PCSK5: variants seen among roughly 807,000 people sequenced by gnomAD.
PCSK5 encodes proprotein convertase subtilisin/kexin type 5, also known as prohormone convertase 5.
PCSK5 carries 129 observed loss-of-function variants against 233.2 expected under a neutral mutation model. The ratio of observed to expected loss-of-function variants is 0.55; its 90% CI spans 0.48 to 0.64. The LOEUF (loss-of-function observed/expected upper bound fraction) is 0.64, where lower values mean the gene tolerates loss of function less well. Ranked by LOEUF, PCSK5 falls within the 30% of genes least tolerant of loss-of-function variation. The pLI, the probability that PCSK5 is intolerant of heterozygous loss-of-function variation, is 0.00. For synonymous variants in PCSK5, 825 were observed against 879.2 expected (o/e 0.94, Z 1.09); for missense variants, 2,076 against 2,430.1 (o/e 0.85, Z 3.06).
At chr9:75,921,487 G>C (rs1371924377) in intron 1 of PCSK5, among the ~76,000 whole-genome samples, 1 of 152,126 alleles carries the variant, frequency 6.6e-6, no homozygotes, top group Non-Finnish European at 1.5e-5. Flanking sequence ...TTCCCGAGAT[G>C]ATGGTGCAGA....
intron 3 of PCSK5, among the ~76,000 whole-genome samples, chr9:76,002,539 A>G (rs928583485): frequency 1.3e-5 from 2 of 152,234 alleles, no homozygotes; most frequent in African/African-American, 4.8e-5. Flanking sequence ...GGGAATTCTC[A>G]TAGACTTTGT....
intron 30 of PCSK5, among the ~76,000 whole-genome samples, chr9:76,318,924 G>C (rs1564176677): frequency 6.6e-6 from 1 of 152,186 alleles, no homozygotes; most frequent in Non-Finnish European, 1.5e-5. Flanking sequence ...ATAGGGAAAA[G>C]AGAAGATGAC....
At chr9:76,036,973 T>C (rs1446628586) in intron 5 of PCSK5, among the ~76,000 whole-genome samples, 1 of 152,232 alleles carries the variant, frequency 6.6e-6, no homozygotes, top group Non-Finnish European at 1.5e-5. Flanking sequence ...GGTCCCTGTT[T>C]CTCCAGAGAG....
intron 24 of PCSK5, chr9:76,287,910 A>G (rs1177092212): frequency 5.5e-6 from 1 of 183,218 alleles, no homozygotes; most frequent in African/African-American, 2.4e-5. Flanking sequence ...GCCCCAGGGC[A>G]CCAGCAAAAC....
chr9:75,950,695 A>G (rs569532138), intron 2 of PCSK5, among the ~76,000 whole-genome samples: 55 of 152,224 alleles, frequency 3.6e-4, no homozygotes, highest in Non-Finnish European at 5.7e-4. Context: ...GGAAGCACTA[A>G]ACATGGAAAG....
chr9:76,253,562 A>T (rs73462412), intron 24 of PCSK5, among the ~76,000 whole-genome samples: 132 of 152,240 alleles, frequency 8.7e-4, no homozygotes, highest in African/African-American at 3.0e-3. Context: ...GGCTTTCTTC[A>T]TTGATTCATT....
At chr9:75,983,304 C>T (rs143056885) in intron 2 of PCSK5, among the ~76,000 whole-genome samples, 35 of 151,998 alleles carry the variant, frequency 2.3e-4, no homozygotes, top group African/African-American at 8.2e-4. Flanking sequence ...TTTTTTTCCT[C>T]CTATTGCTTG....
chr9:76,187,245 C>G (rs943521312), intron 17 of PCSK5, among the ~76,000 whole-genome samples: 2 of 152,076 alleles, frequency 1.3e-5, no homozygotes, highest in African/African-American at 4.8e-5. Context: ...CAATGGAAAC[C>G]ATTTAACCCT....
chr9:75,925,388 T>C (rs577579724), intron 1 of PCSK5, among the ~76,000 whole-genome samples: 2 of 152,368 alleles, frequency 1.3e-5, no homozygotes, highest in East Asian at 3.9e-4. Flanking sequence ...CAGGGGCTAT[T>C]CATTCATTGC....
At position 76,283,412 on chromosome 9, in the gene PCSK5, C is replaced by T. The variant is rs7861617; in HGVS notation, c.3143-8821C>T. On this transcript the variant is annotated intron_variant, in intron 24 of 37. Transcript: ENST00000674117. ...ATCAATATCGAGGCAAGACCCTCCACCAGCAAAAGGATCTGAATGCTCAGA... is the reference window on the plus strand; with the variant it reads ...ATCAATATCGAGGCAAGACCCTCCATCAGCAAAAGGATCTGAATGCTCAGA... Among the ~76,000 whole-genome samples the T allele has an allele frequency of 7.9e-3, 1,197 of 152,278 alleles. 14 individuals are homozygous for T. Among genetic ancestry groups the T allele is most frequent in the African/African-American group, 0.027 (1,134 of 41,540 alleles).
intron 5 of PCSK5, among the ~76,000 whole-genome samples, chr9:76,045,207 T>C (rs1829322964): frequency 6.6e-6 from 1 of 152,234 alleles, no homozygotes; most frequent in Non-Finnish European, 1.5e-5. Flanking sequence ...TTATCGTGAT[T>C]ATGAAGAAGA....
At chr9:76,119,538 C>G (rs552085844) in intron 9 of PCSK5, among the ~76,000 whole-genome samples, 1 of 152,118 alleles carries the variant, frequency 6.6e-6, no homozygotes, top group South Asian at 2.1e-4. Flanking sequence ...AATTCATGGA[C>G]CCCAGATTAA....
intron 36 of PCSK5, among the ~76,000 whole-genome samples, chr9:76,351,540 A>AGAAAG (rs1564197018): frequency 2.1e-5 from 2 of 96,796 alleles, no homozygotes; most frequent in African/African-American, 6.6e-5. Context: ...AAGGAAGGAA[A>AGAAAG]GAAAGAGAAA....
intron 35 of PCSK5, among the ~76,000 whole-genome samples, chr9:76,347,763 GAAAA>G (rs5898474): frequency 3.3e-4 from 42 of 126,170 alleles, no homozygotes; most frequent in Non-Finnish European, 5.4e-4. Flanking sequence ...AAAATAAAAA[GAAAA>G]AAAAAAAAAA....
At chr9:76,262,280 A>C (rs1313704461) in intron 24 of PCSK5, among the ~76,000 whole-genome samples, 1 of 152,166 alleles carries the variant, frequency 6.6e-6, no homozygotes, top group Admixed American at 6.5e-5. Context: ...AAACTACTTT[A>C]AAGTTCATAT....
intron 16 of PCSK5, among the ~76,000 whole-genome samples, chr9:76,184,246 A>G (rs943994569): frequency 6.6e-6 from 1 of 152,196 alleles, no homozygotes; most frequent in African/African-American, 2.4e-5. Flanking sequence ...AGCTATGAGC[A>G]TGGGGGTCTA....
intron 20 of PCSK5, among the ~76,000 whole-genome samples, chr9:76,220,198 GC>G (rs1226172047): frequency 6.6e-6 from 1 of 152,158 alleles, no homozygotes; most frequent in Non-Finnish European, 1.5e-5. Flanking sequence ...TCAATGAGAA[GC>G]TTTGTAAATT....
At chr9:76,194,797 T>C (rs1191911808) in intron 20 of PCSK5, 1 of 462,932 alleles carries the variant, frequency 2.2e-6, no homozygotes, top group Non-Finnish European at 4.5e-6. Context: ...CAAAGCTTCA[T>C]TGGTGACCTC....
intron 2 of PCSK5, among the ~76,000 whole-genome samples, chr9:75,964,201 A>G (rs1014270416): frequency 2.0e-5 from 3 of 152,236 alleles, no homozygotes; most frequent in Admixed American, 6.5e-5. Flanking sequence ...TATGGGTTCA[A>G]GAAGGCACTG....
Sources: allele counts gnomAD v4.1 joint callset (sites outside exome capture counted in the v4.1 genomes callset), GRCh38; gene constraint gnomAD v4.1.1; transcripts MANE v1.5; gene names NCBI Gene and HGNC (gene_info 2026-07-23, HGNC 2026-07-21).